ATP23: variants seen among roughly 807,000 people sequenced by gnomAD.
ATP23 encodes the protein mitochondrial inner membrane protease ATP23 homolog.
In ATP23, 24 loss-of-function variants were observed where a neutral mutation model predicts 28.5. That is an observed-to-expected ratio of 0.84 (90% confidence interval 0.61 to 1.18). The LOEUF (loss-of-function observed/expected upper bound fraction) is 1.18, where lower values mean the gene tolerates loss of function less well. ATP23 is among the 50% of genes most tolerant of loss of function. The probability of loss-of-function intolerance (pLI) is 0.00; values close to 1 mark genes in which losing one functional copy is unlikely to be tolerated. For missense variants in ATP23, 274 were observed against 306.4 expected, an observed-to-expected ratio of 0.89 and a Z score of 0.79; for synonymous variants, 99 against 108.6, an observed-to-expected ratio of 0.91 and a Z score of 0.55.
intron 3 of ATP23, 50 bp downstream of exon 3, chr12:57,947,126 T>A (rs369545515): frequency 1.9e-6 from 3 of 1,563,618 alleles, no homozygotes; most frequent in African/African-American, 1.4e-5. Flanking sequence ...TCTCTCTTTA[T>A]ATTTTTTGAG....
intron 3 of ATP23, chr12:57,949,883 A>T (rs1956798188): frequency 6.6e-6 from 1 of 152,312 alleles, no homozygotes; most frequent in African/African-American, 2.4e-5. Flanking sequence ...CACTCAACCC[A>T]GTCTTTTAGT....
chr12:57,956,740 C>G lies in ATP23; in HGVS notation c.591C>G (p.Ser197Arg), dbSNP rs768818241. 1 of 1,613,796 alleles carries G rather than the reference C, an allele frequency of 6.2e-7. No homozygotes were observed. Among genetic ancestry groups the G allele is most frequent in the Admixed American group, 1.7e-5 (1 of 59,998 alleles). Reference sequence around the variant, plus strand: ...CTATCCTGGCTGTTAGGAATATCAGCAAAGAAGTAGCTAAAAAGGCTGTTG... The same window carrying G: ...CTATCCTGGCTGTTAGGAATATCAGGAAAGAAGTAGCTAAAAAGGCTGTTG... ...TLSILAVRNI[S>R]KEVAKKAVDE... The change falls in exon 6 of 6, where the codon AGC (serine) becomes AGG (arginine). Residue 197 changes from serine (S) to arginine (R), a missense_variant. Coordinates refer to ENST00000300145, the MANE Select transcript of ATP23 (RefSeq NM_033276.4).
In ATP23 at chr12:57,958,624, A is replaced by T. The variant is rs999210043; in HGVS notation, c.*1734A>T. 6.6e-6 allele frequency among the ~76,000 whole-genome samples: 1 copy of T among 152,230 alleles called. No individual in the cohort carries two copies. The highest frequency in any genetic ancestry group is 1.5e-5 in the Non-Finnish European group (1 of 68,034). ...GTAGACTCACTGGGTGGCTAGACCC[A>T]GAAGAGAGACAACAATCACAGCAGT... On this transcript the variant is annotated 3_prime_UTR_variant, in exon 6 of 6. Coordinates refer to ENST00000300145, the MANE Select transcript of ATP23 (RefSeq NM_033276.4).
intron 4 of ATP23, among the ~76,000 whole-genome samples, chr12:57,953,320 T>C (rs1011582428): frequency 1.3e-5 from 2 of 152,218 alleles, no homozygotes; most frequent in African/African-American, 4.8e-5. Context: ...AAATTAGTTC[T>C]GTCAGTAAAG....
intron 1 of ATP23, among the ~76,000 whole-genome samples, chr12:57,942,308 T>G (rs946373361): frequency 6.6e-6 from 1 of 152,154 alleles, no homozygotes; most frequent in African/African-American, 2.4e-5. Context: ...ATAAAAGCAG[T>G]TTTGCAAACC....
chr12:57,955,550 T>C (rs74095796), intron 5 of ATP23, among the ~76,000 whole-genome samples: 5,049 of 152,278 alleles, frequency 0.033, 297 homozygotes, highest in African/African-American at 0.11. Flanking sequence ...CATAGTCATA[T>C]CTTTATTTTA....
chr12:57,955,932 G>A (rs766385451), intron 5 of ATP23, among the ~76,000 whole-genome samples: 1 of 152,212 alleles, frequency 6.6e-6, no homozygotes, highest in Non-Finnish European at 1.5e-5. Context: ...TTAGGAAAAG[G>A]TCAAATGCCA....
In ATP23 at chr12:57,958,966, C is replaced by A. The variant is rs1046382628; in HGVS notation, c.*2076C>A. Among the ~76,000 whole-genome samples the A allele has an allele frequency of 6.6e-6, 1 of 151,968 alleles. No homozygotes were observed. Among genetic ancestry groups the A allele is most frequent in the African/African-American group, 2.4e-5 (1 of 41,352 alleles). On this transcript the variant is annotated 3_prime_UTR_variant, in exon 6 of 6. Transcript: ENST00000300145. ...GGAGGCACCAGAGAAAGGCAAAGCCCAGTGCAAGGAAATCCAAAAAATGAT... is the reference window on the plus strand; with the variant it reads ...GGAGGCACCAGAGAAAGGCAAAGCCAAGTGCAAGGAAATCCAAAAAATGAT...
intron 2 of ATP23, 137 bp downstream of exon 2, chr12:57,945,810 C>A: frequency 1.4e-6 from 1 of 735,956 alleles, no homozygotes; most frequent in Non-Finnish European, 2.3e-6. Context: ...AGGTAATTGG[C>A]TGCATTGTCT....
At chr12:57,954,934 T>G (rs1332609720) in intron 5 of ATP23, among the ~76,000 whole-genome samples, 1 of 151,870 alleles carries the variant, frequency 6.6e-6, no homozygotes, top group Non-Finnish European at 1.5e-5. Flanking sequence ...GACAGTGAGG[T>G]GTTCAGCCTC....
chr12:57,956,544 T>C lies in ATP23; in HGVS notation c.538-143T>C, dbSNP rs956167572. The C allele has an allele frequency of 9.8e-6, 7 of 711,320 alleles. No individual in the cohort carries two copies. The African/African-American group carries it at 1.1e-4, about 11-fold the overall frequency. The allele number at this position is 711,320 out of a possible 1,614,324, so 44.1% of individuals were successfully genotyped here. A position where few individuals can be genotyped will look rare whatever the true frequency, so the allele number is the denominator to read the frequency against. On this transcript the variant is annotated intron_variant, in intron 5 of 5. Transcript: ENST00000300145. ...AAGTGTTATGGATCTTTGTTCATTT[T>C]GTTTTCTTCTTTGGAATGACAGAAA...
At position 57,957,113 on chromosome 12, in the gene ATP23, A is replaced by G; in HGVS notation, c.*223A>G. On this transcript the variant is annotated 3_prime_UTR_variant, in exon 6 of 6. Coordinates refer to ENST00000300145, the MANE Select transcript of ATP23 (RefSeq NM_033276.4). ...GTATCTTTATAGCTAACCATTTAGT[A>G]AATAAATACATTACATTTTTGTATT... 1 of 386,846 alleles carries G rather than the reference A, an allele frequency of 2.6e-6. No homozygotes were observed. The highest frequency in any genetic ancestry group is 4.5e-6 in the Non-Finnish European group (1 of 220,882). The allele number at this position is 386,846 out of a possible 1,614,324, so 24.0% of individuals were successfully genotyped here.
intron 3 of ATP23, among the ~76,000 whole-genome samples, chr12:57,950,007 C>A (rs955450292): frequency 7.9e-5 from 12 of 152,142 alleles, no homozygotes; most frequent in African/African-American, 2.9e-4. Flanking sequence ...CATATTTTGT[C>A]TAATTTACCT....
rs999210043 is a variant in ATP23 at position 57,958,624 on chromosome 12, A to G, written c.*1734A>G. 2.6e-5 allele frequency among the ~76,000 whole-genome samples: 4 copies of G among 152,230 alleles called. No individual in the cohort carries two copies. Among genetic ancestry groups the G allele is most frequent in the Non-Finnish European group, 5.9e-5 (4 of 68,034 alleles). On this transcript the variant is annotated 3_prime_UTR_variant, in exon 6 of 6. Transcript: ENST00000300145. ...GTAGACTCACTGGGTGGCTAGACCCAGAAGAGAGACAACAATCACAGCAGT... is the reference window on the plus strand; with the variant it reads ...GTAGACTCACTGGGTGGCTAGACCCGGAAGAGAGACAACAATCACAGCAGT...
At chr12:57,945,698 G>T in intron 2 of ATP23, 25 bp downstream of exon 2, 1 of 1,611,890 alleles carries the variant, frequency 6.2e-7, no homozygotes, top group Non-Finnish European at 8.5e-7. Flanking sequence ...TTGAAGTGCT[G>T]CTCTGAGGTC....
At chr12:57,949,530 G>A (rs778708207) in intron 3 of ATP23, among the ~76,000 whole-genome samples, 2 of 152,006 alleles carry the variant, frequency 1.3e-5, no homozygotes, top group Non-Finnish European at 2.9e-5. Context: ...GTCTTGCTCT[G>A]TCGCCTAGGC....
intron 5 of ATP23, among the ~76,000 whole-genome samples, chr12:57,954,675 G>A (rs891233899): frequency 6.6e-6 from 1 of 152,160 alleles, no homozygotes; most frequent in Non-Finnish European, 1.5e-5. Flanking sequence ...AGAAAGGCTG[G>A]TCAGTCATTT....
chr12:57,944,875 G>A (rs916767201), intron 1 of ATP23, among the ~76,000 whole-genome samples: 15 of 152,140 alleles, frequency 9.9e-5, no homozygotes, highest in Admixed American at 3.9e-4. Flanking sequence ...ATCCCCTGTG[G>A]AAGAGCTTCA....
At chr12:57,945,607 T>G (rs1956752763) in intron 1 of ATP23, 21 bp from the exon 2 acceptor site, 2 of 1,603,310 alleles carry the variant, frequency 1.2e-6, no homozygotes, top group Non-Finnish European at 1.7e-6. Context: ...AATTACTTAA[T>G]TAAATCAATA....
Sources: allele counts gnomAD v4.1 joint callset (sites outside exome capture counted in the v4.1 genomes callset), GRCh38; gene constraint gnomAD v4.1.1; transcripts MANE v1.5; gene names NCBI Gene and HGNC (gene_info 2026-07-23, HGNC 2026-07-21).